ANKS1B: variants seen among roughly 807,000 people sequenced by gnomAD.
The protein encoded by ANKS1B is ankyrin repeat and sterile alpha motif domain-containing protein 1B.
In ANKS1B, 36 loss-of-function variants were observed where a neutral mutation model predicts 148.3. The observed-to-expected ratio is 0.24, with a 90% CI of 0.19 to 0.32. The LOEUF (loss-of-function observed/expected upper bound fraction) is 0.32, where lower values mean the gene tolerates loss of function less well. Among genes scored for constraint, ANKS1B ranks in the 10% least tolerant of loss-of-function variants. The pLI is 1.00. For missense variants in ANKS1B, 1,157 were observed against 1,542.6 expected, an observed-to-expected ratio of 0.75 and a Z score of 4.19; for synonymous variants, 542 against 560.8, an observed-to-expected ratio of 0.97 and a Z score of 0.47.
chr12:99,364,094 A>G (rs1415908544), intron 12 of ANKS1B, among the ~76,000 whole-genome samples: 1 of 152,198 alleles, frequency 6.6e-6, no homozygotes, highest in East Asian at 1.9e-4. Flanking sequence ...CCAAAAGGAG[A>G]GAGTCCAATC....
In ANKS1B at chr12:99,001,442, T is replaced by C. The variant is rs142214076; in HGVS notation, c.2778+51715A>G. 3.7e-3 allele frequency among the ~76,000 whole-genome samples: 556 copies of C among 152,328 alleles called. 4 individuals are homozygous for C. The highest frequency in any genetic ancestry group is 0.013 in the African/African-American group (538 of 41,562). On this transcript the variant is annotated intron_variant, in intron 17 of 26. Transcript: ENST00000683438. Reference sequence around the variant, plus strand: ...CCATGCCAGGCCCCAGTTTCAGTTATTTTAGATAAATACCGAAAAGTGGGA... The same window carrying C: ...CCATGCCAGGCCCCAGTTTCAGTTACTTTAGATAAATACCGAAAAGTGGGA...
chr12:98,793,738 G>A (rs962974483), intron 22 of ANKS1B, among the ~76,000 whole-genome samples: 4 of 152,162 alleles, frequency 2.6e-5, no homozygotes, highest in Non-Finnish European at 4.4e-5. Context: ...ATTAGAGAAC[G>A]TAAGACTGCA....
At position 99,552,454 on chromosome 12, in the gene ANKS1B, A is replaced by G. The variant is rs149180284; in HGVS notation, c.1273-47813T>C. Among the ~76,000 whole-genome samples, 389 of 152,312 alleles carry G rather than the reference A, an allele frequency of 2.6e-3. 1 individual carries two copies. Among genetic ancestry groups the G allele is most frequent in the African/African-American group, 8.3e-3 (347 of 41,578 alleles). On this transcript the variant is annotated intron_variant, in intron 9 of 26. Transcript: ENST00000683438. ...TCATGTCTGTCTTGTTCATCATTGT[A>G]TTCCCACTGTCTAGCACAGTGTCTG...
intron 4 of ANKS1B, among the ~76,000 whole-genome samples, chr12:99,796,016 C>T (rs903145918): frequency 2.0e-5 from 3 of 152,006 alleles, no homozygotes; most frequent in African/African-American, 7.2e-5. Flanking sequence ...TTCACCTTTT[C>T]ACTTAGAGGA....
intron 17 of ANKS1B, among the ~76,000 whole-genome samples, chr12:98,863,154 T>A (rs1038224553): frequency 3.9e-5 from 6 of 152,352 alleles, no homozygotes; most frequent in African/African-American, 1.2e-4. Flanking sequence ...TATTCCAGTC[T>A]TGTCCTGCAT....
At chr12:98,855,467 A>G (rs2099562748) in intron 17 of ANKS1B, among the ~76,000 whole-genome samples, 1 of 152,234 alleles carries the variant, frequency 6.6e-6, no homozygotes. Flanking sequence ...TTTTGAAAAT[A>G]GAAGCATATT....
At chr12:99,373,120 T>C (rs2093229291) in intron 12 of ANKS1B, among the ~76,000 whole-genome samples, 1 of 152,174 alleles carries the variant, frequency 6.6e-6, no homozygotes, top group African/African-American at 2.4e-5. Context: ...CATTTTTACA[T>C]ATATCTTACT....
In ANKS1B at chr12:99,727,813, C is replaced by T. The variant is rs183272036; in HGVS notation, c.1128+45109G>A. Among the ~76,000 whole-genome samples the T allele has an allele frequency of 2.3e-3, 353 of 152,044 alleles. 3 individuals carry two copies. Among genetic ancestry groups the T allele is most frequent in the Middle Eastern group, 6.8e-3 (2 of 294 alleles). On this transcript the variant is annotated intron_variant, in intron 8 of 26. Transcript: ENST00000683438. The stretch of plus-strand genomic sequence containing the variant: ...AGACATATAGACCAGTGGAACAGAA[C>T]GGAGAACTCAGAAATAACACCACAC...
intron 9 of ANKS1B, among the ~76,000 whole-genome samples, chr12:99,560,366 T>C (rs947324199): frequency 7.9e-5 from 12 of 151,792 alleles, no homozygotes; most frequent in African/African-American, 2.9e-4. Context: ...TTCTTCAAAG[T>C]ACAATACAGT....
chr12:99,431,774 C>G (rs2095376131), intron 11 of ANKS1B, among the ~76,000 whole-genome samples: 1 of 152,058 alleles, frequency 6.6e-6, no homozygotes, highest in South Asian at 2.1e-4. Flanking sequence ...ATTCTAAATC[C>G]CTTGCTTATC....
At chr12:99,314,760 A>C (rs2083741745) in intron 12 of ANKS1B, among the ~76,000 whole-genome samples, 1 of 152,210 alleles carries the variant, frequency 6.6e-6, no homozygotes, top group Non-Finnish European at 1.5e-5. Flanking sequence ...CTTTTATAAA[A>C]ATTAACTCAA....
intron 14 of ANKS1B, among the ~76,000 whole-genome samples, chr12:99,209,192 A>G (rs1279829767): frequency 6.6e-6 from 1 of 152,140 alleles, no homozygotes; most frequent in African/African-American, 2.4e-5. Flanking sequence ...GAGATTCCTT[A>G]TTAAAGGTTC....
At chr12:99,681,002 A>C (rs533299988) in intron 8 of ANKS1B, among the ~76,000 whole-genome samples, 1 of 152,246 alleles carries the variant, frequency 6.6e-6, no homozygotes, top group Non-Finnish European at 1.5e-5. Context: ...GTCCTGCCCA[A>C]GGAGAGTCTG....
intron 14 of ANKS1B, among the ~76,000 whole-genome samples, chr12:99,201,905 T>A (rs1248881588): frequency 6.8e-6 from 1 of 146,822 alleles, no homozygotes; most frequent in East Asian, 2.0e-4. Flanking sequence ...CACTGCTAAG[T>A]GGTTGTAATA....
At chr12:99,065,604 A>G (rs1206497058) in intron 16 of ANKS1B, among the ~76,000 whole-genome samples, 1 of 127,612 alleles carries the variant, frequency 7.8e-6, no homozygotes, top group African/African-American at 2.9e-5. Flanking sequence ...CCATCCATCC[A>G]TCCATCCATC....
chr12:99,319,913 T>C (rs1160107627), intron 12 of ANKS1B, among the ~76,000 whole-genome samples: 2 of 152,166 alleles, frequency 1.3e-5, no homozygotes, highest in Non-Finnish European at 2.9e-5. Flanking sequence ...TCAGCATTTG[T>C]TTGTCTGTAA....
intron 5 of ANKS1B, among the ~76,000 whole-genome samples, chr12:99,780,573 C>T (rs1469386695): frequency 8.5e-5 from 13 of 152,100 alleles, no homozygotes; most frequent in Admixed American, 2.0e-4. Context: ...TGAGCCACCA[C>T]GCCCGGCTGA....
At chr12:99,436,227 T>G (rs573646479) in intron 11 of ANKS1B, among the ~76,000 whole-genome samples, 2 of 152,150 alleles carry the variant, frequency 1.3e-5, no homozygotes, top group East Asian at 3.9e-4. Context: ...CCTCGATTAT[T>G]TTCTACCTAA....
chr12:99,196,266 A>G (rs540388928), intron 14 of ANKS1B, among the ~76,000 whole-genome samples: 12 of 152,336 alleles, frequency 7.9e-5, no homozygotes, highest in African/African-American at 2.4e-4. Context: ...CAAGTAGTCC[A>G]TTTAAAGGAC....
Sources: allele counts gnomAD v4.1 joint callset (sites outside exome capture counted in the v4.1 genomes callset), GRCh38; gene constraint gnomAD v4.1.1; transcripts MANE v1.5; gene names NCBI Gene and HGNC (gene_info 2026-07-23, HGNC 2026-07-21).